The following PCNX2 variants were observed in gnomAD, a reference collection of about 807,000 sequenced individuals.
PCNX2 encodes pecanex 2.
In PCNX2, 168 loss-of-function variants were observed where a neutral mutation model predicts 223.8. The ratio of observed to expected loss-of-function variants is 0.75; its 90% CI spans 0.66 to 0.85. The LOEUF (loss-of-function observed/expected upper bound fraction) is 0.85, where lower values mean the gene tolerates loss of function less well. PCNX2 is among the 40% of genes least tolerant of loss of function. PCNX2 has a pLI of 0.00. For synonymous variants in PCNX2, 1,006 were observed against 1,052.6 expected, an observed-to-expected ratio of 0.96 and a Z score of 0.86; for missense variants, 2,507 against 2,675.5, an observed-to-expected ratio of 0.94 and a Z score of 1.39.
intron 10 of PCNX2, 24 bp downstream of exon 10, chr1:233,227,202 G>T: frequency 1.9e-6 from 3 of 1,602,006 alleles, no homozygotes; most frequent in Non-Finnish European, 2.6e-6. Flanking sequence ...TTCCGACAGT[G>T]TGTGTGCATG....
intron 19 of PCNX2, among the ~76,000 whole-genome samples, chr1:233,154,039 A>G (rs1317396200): frequency 6.6e-6 from 1 of 152,156 alleles, no homozygotes; most frequent in Non-Finnish European, 1.5e-5. Flanking sequence ...TTTTTAAATT[A>G]CAATTTAAAT....
intron 15 of PCNX2, among the ~76,000 whole-genome samples, chr1:233,195,853 A>C (rs1406316585): frequency 6.6e-6 from 1 of 152,160 alleles, no homozygotes; most frequent in Non-Finnish European, 1.5e-5. Context: ...GTTCTCCCCA[A>C]ATTGATCTAC....
chr1:232,997,395 ACT>A (rs2102790662), intron 32 of PCNX2, among the ~76,000 whole-genome samples: 1 of 152,244 alleles, frequency 6.6e-6, no homozygotes, highest in African/African-American at 2.4e-5. Context: ...AGGGACTGTA[ACT>A]CCTGGCTCAT....
intron 10 of PCNX2, among the ~76,000 whole-genome samples, chr1:233,225,119 A>T (rs1376461647): frequency 4.0e-5 from 6 of 150,654 alleles, no homozygotes; most frequent in Admixed American, 1.3e-4. Flanking sequence ...GTAAAAAAAA[A>T]AAAAAAAAAA....
At chr1:233,326,821 C>A in the PCNX2 span, among the ~76,000 whole-genome samples, 167 of 152,298 alleles carry the variant, frequency 1.1e-3, no homozygotes, top group African/African-American at 3.6e-3. Context: ...GCCACAGTAA[C>A]CTACCAACGT....
At chr1:233,214,096 G>A (rs1324256573) in intron 12 of PCNX2, among the ~76,000 whole-genome samples, 1 of 149,854 alleles carries the variant, frequency 6.7e-6, no homozygotes, top group African/African-American at 2.5e-5. Flanking sequence ...CAAAGTGCTG[G>A]GATTACAGGC....
At chr1:233,241,792 A>G (rs1485649072) in intron 8 of PCNX2, among the ~76,000 whole-genome samples, 1 of 152,204 alleles carries the variant, frequency 6.6e-6, no homozygotes, top group Non-Finnish European at 1.5e-5. Flanking sequence ...AGAAGTCACA[A>G]TGTTTTACTC....
At chr1:233,143,021 C>T (rs540699190) in intron 19 of PCNX2, among the ~76,000 whole-genome samples, 1 of 152,252 alleles carries the variant, frequency 6.6e-6, no homozygotes, top group South Asian at 2.1e-4. Context: ...TTATTACTTC[C>T]ATGCTGATGA....
intron 25 of PCNX2, among the ~76,000 whole-genome samples, chr1:233,028,839 CTT>C (rs552422159): frequency 6.1e-4 from 79 of 129,732 alleles, no homozygotes; most frequent in African/African-American, 1.9e-3. Context: ...CTTTCCAGTC[CTT>C]TTTTTTTTTT....
intron 23 of PCNX2, among the ~76,000 whole-genome samples, chr1:233,079,268 T>C (rs577930493): frequency 6.6e-5 from 10 of 152,246 alleles, no homozygotes; most frequent in South Asian, 6.2e-4. Flanking sequence ...CTTACACCTG[T>C]AATTCCAGCA....
At chr1:233,290,779 G>A in intron 1 of PCNX2, 9 of 985,368 alleles carry the variant, frequency 9.1e-6, no homozygotes, top group Non-Finnish European at 1.1e-5. Flanking sequence ...AAGCAGAACT[G>A]GAAACAGAAC....
chr1:233,197,488 AAAAG>A (rs1680804794), intron 15 of PCNX2, among the ~76,000 whole-genome samples: 1 of 152,190 alleles, frequency 6.6e-6, no homozygotes, highest in Non-Finnish European at 1.5e-5. Flanking sequence ...AACATAAGTC[AAAAG>A]AAAGAACACC....
intron 32 of PCNX2, among the ~76,000 whole-genome samples, chr1:232,987,553 AG>A (rs1408620085): frequency 2.0e-5 from 3 of 152,204 alleles, no homozygotes; most frequent in Non-Finnish European, 2.9e-5. Context: ...AAGACAAACA[AG>A]GGGGCGGAGG....
intron 17 of PCNX2, among the ~76,000 whole-genome samples, chr1:233,162,898 G>A (rs192992639): frequency 2.0e-3 from 311 of 152,200 alleles, no homozygotes; most frequent in Non-Finnish European, 3.5e-3. Context: ...GAAAACAGTC[G>A]GCCACCAGTA....
At chr1:233,120,310 G>C (rs1465684545) in intron 21 of PCNX2, among the ~76,000 whole-genome samples, 1 of 150,924 alleles carries the variant, frequency 6.6e-6, no homozygotes, top group Admixed American at 6.6e-5. Flanking sequence ...GTTTACCAAA[G>C]AATATATACA....
chr1:233,009,464 A>T (rs909693856), intron 28 of PCNX2, among the ~76,000 whole-genome samples: 8 of 152,258 alleles, frequency 5.3e-5, no homozygotes, highest in African/African-American at 1.9e-4. Context: ...TAATTAACAA[A>T]ATAGAAATAA....
intron 9 of PCNX2, among the ~76,000 whole-genome samples, chr1:233,235,087 C>T (rs1658305145): frequency 6.6e-6 from 1 of 152,056 alleles, no homozygotes; most frequent in Non-Finnish European, 1.5e-5. Context: ...CTCAGAAGTG[C>T]CCCTCTCAGG....
chr1:233,115,241 G>A (rs982579965), intron 21 of PCNX2, among the ~76,000 whole-genome samples: 2 of 151,702 alleles, frequency 1.3e-5, no homozygotes, highest in Admixed American at 6.6e-5. Context: ...CGGAGACACA[G>A]GCCCAATTAA....
chr1:233,219,321 C>T (rs1392888930), intron 10 of PCNX2, among the ~76,000 whole-genome samples: 1 of 149,332 alleles, frequency 6.7e-6, no homozygotes, highest in Non-Finnish European at 1.5e-5. Flanking sequence ...GAGAGAGATA[C>T]AAAGGATGAG....
Sources: gnomAD v4.1 joint callset for allele counts (sites outside exome capture counted in the v4.1 genomes callset) on GRCh38, gnomAD v4.1.1 for gene constraint, MANE v1.5 for transcripts, NCBI Gene and HGNC (gene_info 2026-07-23, HGNC 2026-07-21) for gene names.